The following NALF1 variants were observed in gnomAD, a reference collection of about 807,000 sequenced individuals.
NALF1 encodes the protein NALCN channel auxiliary factor 1, also known as family with sequence similarity 155 member A.
In NALF1, 3 loss-of-function variants were observed where a neutral mutation model predicts 48.4. The observed-to-expected ratio is 0.06, with a 90% CI of 0.03 to 0.16. NALF1 has a LOEUF of 0.16. Ranked by LOEUF, NALF1 falls within the 10% of genes least tolerant of loss-of-function variation. NALF1 has a pLI of 1.00. For missense variants in NALF1, 526 were observed against 571.5 expected, an observed-to-expected ratio of 0.92 and a Z score of 0.81; for synonymous variants, 262 against 245.7, an observed-to-expected ratio of 1.07 and a Z score of -0.62.
At chr13:107,599,432 A>AT (rs1555311565) in intron 1 of NALF1, among the ~76,000 whole-genome samples, 2 of 151,450 alleles carry the variant, frequency 1.3e-5, no homozygotes, top group African/African-American at 4.9e-5. Context: ...AAAAAAAAAA[A>AT]AAAAAAATAA....
intron 1 of NALF1, among the ~76,000 whole-genome samples, chr13:107,525,421 T>A (rs1002292544): frequency 2.0e-5 from 3 of 152,250 alleles, no homozygotes; most frequent in Middle Eastern, 3.4e-3. Flanking sequence ...TTGAGATTCA[T>A]CTATGTTGTT....
intron 1 of NALF1, among the ~76,000 whole-genome samples, chr13:107,375,670 A>T (rs1163834341): frequency 6.6e-6 from 1 of 152,208 alleles, no homozygotes; most frequent in Non-Finnish European, 1.5e-5. Context: ...TGAGAATGCT[A>T]TAAAGAAAAG....
Position 107,528,607 on chromosome 13 carries a change from G to T in NALF1, c.916-317852C>A, listed in dbSNP as rs115550097. Among the ~76,000 whole-genome samples the T allele has an allele frequency of 7.2e-3, 1,093 of 152,214 alleles. 12 individuals carry two copies. Among genetic ancestry groups the T allele is most frequent in the African/African-American group, 0.025 (1,035 of 41,540 alleles). ...ATCCGGCAGGCATCAAGGGATAAAG[G>T]CCTGTTCTCCAGGTGCGCAAGCCAG... On this transcript the variant is annotated intron_variant, in intron 1 of 2. Coordinates refer to ENST00000375915, the MANE Select transcript of NALF1 (RefSeq NM_001080396.3).
intron 1 of NALF1, among the ~76,000 whole-genome samples, chr13:107,261,904 T>C (rs1318403560): frequency 1.3e-5 from 2 of 152,132 alleles, no homozygotes; most frequent in African/African-American, 2.4e-5. Flanking sequence ...CACAGGTTTA[T>C]AGGCATAAGG....
chr13:107,559,611 C>G (rs558832273), intron 1 of NALF1, among the ~76,000 whole-genome samples: 87 of 152,118 alleles, frequency 5.7e-4, no homozygotes, highest in Non-Finnish European at 1.2e-3. Flanking sequence ...GGAGGAACAA[C>G]TACTCATCAG....
intron 1 of NALF1, among the ~76,000 whole-genome samples, chr13:107,415,795 G>C (rs1884074270): frequency 6.6e-6 from 1 of 152,092 alleles, no homozygotes; most frequent in African/African-American, 2.4e-5. Context: ...ACCCAAATTA[G>C]GTGATACAAT....
intron 1 of NALF1, among the ~76,000 whole-genome samples, chr13:107,369,279 T>C (rs564022207): frequency 1.3e-5 from 2 of 152,266 alleles, no homozygotes; most frequent in Non-Finnish European, 2.9e-5. Flanking sequence ...TAGTTTTTAG[T>C]ATGTGCACTA....
rs140717978 is a variant in NALF1, at chr13:107,248,251, A to G, written c.916-37496T>C. 2.6e-3 allele frequency among the ~76,000 whole-genome samples: 398 copies of G among 152,198 alleles called. 4 individuals carry two copies. The highest frequency in any genetic ancestry group is 0.01 in the Middle Eastern group (3 of 294). On this transcript the variant is annotated intron_variant, in intron 1 of 2. Transcript: ENST00000375915. ...AAAAAAAAGGAGAAAAGGCCCAGGT[A>G]ATCGTTGAAATTTGGAAGGAAATTT... is the stretch of plus-strand genomic sequence containing the variant.
chr13:107,856,685 A>C (rs565360067), intron 1 of NALF1, among the ~76,000 whole-genome samples: 18 of 152,258 alleles, frequency 1.2e-4, no homozygotes, highest in Non-Finnish European at 1.5e-4. Context: ...TATGTGATGG[A>C]ATTTTATTGG....
chr13:107,794,758 C>T (rs1355844473), intron 1 of NALF1, among the ~76,000 whole-genome samples: 10 of 151,880 alleles, frequency 6.6e-5, no homozygotes, highest in Non-Finnish European at 1.3e-4. Context: ...CAAACTTCTA[C>T]CACATAGGAA....
chr13:107,824,605 G>A (rs12585034), intron 1 of NALF1, among the ~76,000 whole-genome samples: 5,804 of 152,270 alleles, frequency 0.038, 353 homozygotes, highest in East Asian at 0.28. Flanking sequence ...AATCCAGATT[G>A]AGGAATTTGA....
chr13:107,198,659 G>T lies in NALF1; in HGVS notation c.1087+11925C>A, dbSNP rs954587326. Among the ~76,000 whole-genome samples the T allele has an allele frequency of 2.0e-5, 3 of 152,326 alleles. No individual in the cohort carries two copies. In the South Asian group the frequency reaches 6.2e-4, roughly 32 times the overall value. On this transcript the variant is annotated intron_variant, in intron 2 of 2. Coordinates refer to ENST00000375915, the MANE Select transcript of NALF1 (RefSeq NM_001080396.3). ...TGCTCAGCGTATTCCTCTGCTAGGGGAGTCATCACAAAATCCCACATACTA... is the reference window on the plus strand; with the variant it reads ...TGCTCAGCGTATTCCTCTGCTAGGGTAGTCATCACAAAATCCCACATACTA...
intron 1 of NALF1, among the ~76,000 whole-genome samples, chr13:107,336,314 C>G (rs1882554560): frequency 6.6e-6 from 1 of 151,856 alleles, no homozygotes; most frequent in African/African-American, 2.4e-5. Flanking sequence ...GATCATGCCA[C>G]TGCACTCCAG....
intron 1 of NALF1, among the ~76,000 whole-genome samples, chr13:107,452,493 C>A (rs916726650): frequency 1.3e-5 from 2 of 152,142 alleles, no homozygotes; most frequent in African/African-American, 4.8e-5. Flanking sequence ...AACTCACTCA[C>A]TATCATGAGA....
chr13:107,797,586 G>A (rs1008713235), intron 1 of NALF1, among the ~76,000 whole-genome samples: 3 of 152,104 alleles, frequency 2.0e-5, no homozygotes, highest in Non-Finnish European at 2.9e-5. Context: ...AAGAATGTAC[G>A]ATACATGAGT....
At chr13:107,642,627 G>A (rs1880190054) in intron 1 of NALF1, among the ~76,000 whole-genome samples, 1 of 152,138 alleles carries the variant, frequency 6.6e-6, no homozygotes, top group African/African-American at 2.4e-5. Flanking sequence ...TTTCAGAAAT[G>A]TGTAGTTTTT....
intron 1 of NALF1, among the ~76,000 whole-genome samples, chr13:107,812,898 G>A (rs191864608): frequency 6.6e-6 from 1 of 152,000 alleles, no homozygotes; most frequent in African/African-American, 2.4e-5. Flanking sequence ...CCTTCCTACA[G>A]GCATGCATCA....
At chr13:107,557,928 T>C (rs1174030288) in intron 1 of NALF1, among the ~76,000 whole-genome samples, 5 of 152,202 alleles carry the variant, frequency 3.3e-5, no homozygotes, top group African/African-American at 1.2e-4. Flanking sequence ...GTACCGTGTC[T>C]GTGCACTAAT....
intron 1 of NALF1, among the ~76,000 whole-genome samples, chr13:107,617,613 A>G (rs901687079): frequency 2.0e-5 from 3 of 152,226 alleles, no homozygotes; most frequent in Admixed American, 2.0e-4. Context: ...GAAGACAACA[A>G]CTAACTCAAA....
Sources: gnomAD v4.1 joint callset for allele counts (sites outside exome capture counted in the v4.1 genomes callset) on GRCh38, gnomAD v4.1.1 for gene constraint, MANE v1.5 for transcripts, NCBI Gene and HGNC (gene_info 2026-07-23, HGNC 2026-07-21) for gene names.